The following TLN2 variants were observed in gnomAD, a reference collection of about 807,000 sequenced individuals.
TLN2 encodes the protein talin 2.
TLN2 carries 118 observed loss-of-function variants against 294.7 expected under a neutral mutation model. The ratio of observed to expected loss-of-function variants is 0.40; its 90% CI spans 0.34 to 0.47. TLN2 has a LOEUF of 0.47. Ranked by LOEUF, TLN2 falls within the 20% of genes least tolerant of loss-of-function variation. TLN2 has a pLI of 0.84. For synonymous variants in TLN2, 1,431 were observed against 1,304.5 expected (o/e 1.10, Z -2.09); for missense variants, 3,083 against 3,282.2 (o/e 0.94, Z 1.48).
intron 3 of TLN2, among the ~76,000 whole-genome samples, chr15:62,630,130 C>T (rs151183491): frequency 2.5e-5 from 1 of 40,302 alleles, no homozygotes; most frequent in African/African-American, 7.3e-5. Context: ...CTTTCTGTAA[C>T]TATTGGAAAA....
Position 62,658,472 on chromosome 15 carries a change from G to T in TLN2, c.788+574G>T, listed in dbSNP as rs79361248. ...AACTTTTCTTCTGGTGGCAGAGAAT[G>T]CCTGGCCAATATGCTGTTTGGTCTA... On this transcript the variant is annotated intron_variant, in intron 9 of 58. Transcript: ENST00000636159. Among the ~76,000 whole-genome samples the T allele has an allele frequency of 8.0e-3, 1,211 of 152,260 alleles. 16 individuals are homozygous for T. The highest frequency in any genetic ancestry group is 0.027 in the African/African-American group (1,129 of 41,536).
intron 55 of TLN2, 106 bp downstream of exon 55, chr15:62,833,735 G>C (rs1171758562): frequency 9.7e-6 from 14 of 1,438,378 alleles, no homozygotes; most frequent in African/African-American, 1.4e-5. Context: ...AACACATGCA[G>C]TGCCTTCCCT....
intron 3 of TLN2, among the ~76,000 whole-genome samples, chr15:62,641,828 G>A (rs554438061): frequency 6.6e-6 from 1 of 152,256 alleles, no homozygotes; most frequent in South Asian, 2.1e-4. Flanking sequence ...AGGGCACTTC[G>A]TGGTCCTCCC....
intron 28 of TLN2, among the ~76,000 whole-genome samples, chr15:62,733,377 C>A (rs545678485): frequency 6.6e-6 from 1 of 152,272 alleles, no homozygotes; most frequent in Non-Finnish European, 1.5e-5. Context: ...GTGTGGAAAA[C>A]TTCTCCATGG....
At chr15:62,662,990 A>C (rs1377783178) in intron 9 of TLN2, among the ~76,000 whole-genome samples, 1 of 151,786 alleles carries the variant, frequency 6.6e-6, no homozygotes, top group East Asian at 1.9e-4. Flanking sequence ...CGCCCGGCTA[A>C]TTTTTTGTAT....
intron 1 of TLN2, among the ~76,000 whole-genome samples, chr15:62,431,247 A>T (rs2034995996): frequency 6.6e-6 from 1 of 151,864 alleles, no homozygotes; most frequent in Non-Finnish European, 1.5e-5. Flanking sequence ...TTCCCTTTGG[A>T]GAAGGGAAAT....
intron 48 of TLN2, among the ~76,000 whole-genome samples, chr15:62,799,311 A>G (rs971027804): frequency 6.6e-6 from 1 of 152,188 alleles, no homozygotes; most frequent in Non-Finnish European, 1.5e-5. Context: ...CAGCACCTGA[A>G]CACTGCCCTC....
chr15:62,477,964 C>T (rs1463081144), intron 1 of TLN2, among the ~76,000 whole-genome samples: 1 of 152,010 alleles, frequency 6.6e-6, no homozygotes, highest in Non-Finnish European at 1.5e-5. Context: ...TGTCCAGCTG[C>T]TGCAGTAGAC....
At chr15:62,422,434 G>T (rs1199629180) in intron 1 of TLN2, among the ~76,000 whole-genome samples, 1 of 152,054 alleles carries the variant, frequency 6.6e-6, no homozygotes, top group Non-Finnish European at 1.5e-5. Flanking sequence ...ATTGTCTCTT[G>T]TGCAGAAGAA....
At chr15:62,787,059 C>T (rs2064718958) in intron 45 of TLN2, among the ~76,000 whole-genome samples, 1 of 151,908 alleles carries the variant, frequency 6.6e-6, no homozygotes. Flanking sequence ...TGTGCGCCAC[C>T]ATGCCTGGTT....
At chr15:62,657,492 C>T (rs1014411645) in intron 8 of TLN2, among the ~76,000 whole-genome samples, 1 of 152,194 alleles carries the variant, frequency 6.6e-6, no homozygotes, top group African/African-American at 2.4e-5. Context: ...TTTATAATCA[C>T]TTCTGCCTTT....
At chr15:62,455,156 G>A (rs1397000241) in intron 1 of TLN2, among the ~76,000 whole-genome samples, 17 of 151,220 alleles carry the variant, frequency 1.1e-4, no homozygotes, top group Admixed American at 1.1e-3. Context: ...TCTGTCGTGG[G>A]CAAAAGATTG....
chr15:62,556,719 G>A (rs7161821), intron 1 of TLN2, among the ~76,000 whole-genome samples: 4,357 of 152,218 alleles, frequency 0.029, 218 homozygotes, highest in African/African-American at 0.1. Flanking sequence ...CTTCTTTTGA[G>A]TACTTTATTT....
intron 2 of TLN2, among the ~76,000 whole-genome samples, chr15:62,608,360 T>C (rs2140811375): frequency 6.6e-6 from 1 of 152,236 alleles, no homozygotes; most frequent in South Asian, 2.1e-4. Flanking sequence ...AGGATTTAAG[T>C]GTGGTGAGCT....
intron 2 of TLN2, among the ~76,000 whole-genome samples, chr15:62,594,253 G>C (rs1028747865): frequency 2.0e-5 from 3 of 152,182 alleles, no homozygotes; most frequent in Admixed American, 6.5e-5. Flanking sequence ...CTGACACCCA[G>C]GCTGGAGTGC....
chr15:62,452,700 T>C (rs890484342), intron 1 of TLN2, among the ~76,000 whole-genome samples: 15 of 152,332 alleles, frequency 9.8e-5, no homozygotes, highest in African/African-American at 3.6e-4. Context: ...CGCATTTGTT[T>C]TCTAAGTTCA....
At position 62,716,350 on chromosome 15, in the gene TLN2, A is replaced by G; in HGVS notation, c.2654A>G (p.Glu885Gly). 1 of 1,606,784 alleles carries G rather than the reference A, an allele frequency of 6.2e-7. No homozygotes were observed. The highest frequency in any genetic ancestry group is 1.1e-5 in the South Asian group (1 of 89,622). ...TTGCAGGGGGCTGCAGCCAACCCAG[A>G]GAATGAGGACCAGCAGCAAAGGCTG... ...EAAKGAAANPENEDQQQRLRE... is the reference protein window; with the variant it reads ...EAAKGAAANPGNEDQQQRLRE... Residue 885 changes from glutamate (E) to glycine (G), a missense_variant, in exon 23 of 59, where the codon GAG (glutamate) becomes GGG (glycine). Physicochemically the swap from Glu to Gly is moderately conservative, Grantham distance 98 (BLOSUM62 -2). Transcript: ENST00000636159.
chr15:62,479,766 G>A (rs1304142585), intron 1 of TLN2, among the ~76,000 whole-genome samples: 1 of 152,234 alleles, frequency 6.6e-6, no homozygotes, highest in Non-Finnish European at 1.5e-5. Context: ...GATTACAGGT[G>A]TGAGCCACCA....
At chr15:62,635,119 A>T (rs1448900696) in intron 3 of TLN2, among the ~76,000 whole-genome samples, 1 of 152,190 alleles carries the variant, frequency 6.6e-6, no homozygotes, top group African/African-American at 2.4e-5. Context: ...TTGTTAATGC[A>T]TATTCATTTA....
Sources: gnomAD v4.1 joint callset for allele counts (sites outside exome capture counted in the v4.1 genomes callset) on GRCh38, gnomAD v4.1.1 for gene constraint, MANE v1.5 for transcripts, NCBI Gene and HGNC (gene_info 2026-07-23, HGNC 2026-07-21) for gene names.